ALPL: variants seen among roughly 807,000 people sequenced by gnomAD.
ALPL encodes the protein alkaline phosphatase, biomineralization associated.
ALPL carries 42 observed loss-of-function variants against 51.3 expected under a neutral mutation model. That is an observed-to-expected ratio of 0.82 (90% CI 0.64 to 1.06). ALPL has a LOEUF of 1.06. ALPL is among the 50% of genes least tolerant of loss of function. The probability of loss-of-function intolerance (pLI) is 0.00; values close to 1 mark genes in which losing one functional copy is unlikely to be tolerated. For missense variants in ALPL, 589 were observed against 709.4 expected, an observed-to-expected ratio of 0.83 and a Z score of 1.93; for synonymous variants, 279 against 296.4, an observed-to-expected ratio of 0.94 and a Z score of 0.60.
intron 9 of ALPL, among the ~76,000 whole-genome samples, chr1:21,575,218 T>A (rs1214557210): frequency 6.6e-6 from 1 of 152,186 alleles, no homozygotes; most frequent in African/African-American, 2.4e-5. Context: ...CACACCTGAA[T>A]TCACATCCTG....
chr1:21,541,283 G>A (rs1369081866), intron 1 of ALPL, among the ~76,000 whole-genome samples: 4 of 152,160 alleles, frequency 2.6e-5, no homozygotes, highest in Non-Finnish European at 5.9e-5. Flanking sequence ...CCCAGCCTCC[G>A]TTTTACACCC....
Position 21,575,812 on chromosome 1 carries a change from C to G in ALPL, c.1077C>G (p.Ile359Met), listed in dbSNP as rs567349821. ...LHEAVEMDRA[I>M]GQAGSLTSSE... ...AGGCGGTGGAGATGGACCGGGCCAT[C>G]GGGCAGGCAGGCAGCTTGACCTCCT... The change falls in exon 10 of 12, where the codon ATC (isoleucine) becomes ATG (methionine). Residue 359 changes from isoleucine (I) to methionine (M), a missense_variant. Physicochemically the swap from Ile to Met is conservative, Grantham distance 10. Coordinates refer to ENST00000374840, the MANE Select transcript of ALPL (RefSeq NM_000478.6). 16 of 1,614,068 alleles carry G rather than the reference C, an allele frequency of 9.9e-6. No homozygotes were observed. The Admixed American group carries it at 1.2e-4, about 12-fold the overall frequency.
rs550276132 is a variant in ALPL at position 21,560,588 on chromosome 1, C to A, written c.62-38C>A. 2.5e-6 allele frequency: 4 copies of A among 1,612,696 alleles called. No homozygotes were observed. The African/African-American group carries it at 4.0e-5, about 16-fold the overall frequency. On this transcript the variant is annotated intron_variant, in intron 2 of 11. Transcript: ENST00000374840. The stretch of plus-strand genomic sequence containing the variant: ...TGTACGTCTGGAGATAGGAGGCTAT[C>A]CTTACCCCGCCAAGTAACTGCCTCT...
rs367637559 is a variant in ALPL, at chr1:21,577,708, C to G, written c.*60C>G. The G allele has an allele frequency of 2.6e-6, 4 of 1,554,344 alleles. No individual in the cohort carries two copies. The highest frequency in any genetic ancestry group is 2.7e-5 in the African/African-American group (2 of 73,132). Reference sequence around the variant, plus strand: ...AGATGCCAACTTCCCACACGGCAGCCCCCCCCTCAAGGGGCAGGGAGGTGG... The same window carrying G: ...AGATGCCAACTTCCCACACGGCAGCGCCCCCCTCAAGGGGCAGGGAGGTGG... On this transcript the variant is annotated 3_prime_UTR_variant, in exon 12 of 12. Transcript: ENST00000374840.
At position 21,575,887 on chromosome 1, in the gene ALPL, A is replaced by T. The variant is rs1420358743; in HGVS notation, c.1152A>T (p.Thr384=). The change falls in exon 10 of 12, where the codon ACA becomes ACT. Residue 384 remains threonine (T), a synonymous_variant. Coordinates refer to ENST00000374840, the MANE Select transcript of ALPL (RefSeq NM_000478.6). ...VVTADHSHVF[T]FGGYTPRGNS... ...CTGCGGACCATTCCCACGTCTTCAC[A>T]TTTGGTGGATACACCCCCCGTGGCA... The T allele has an allele frequency of 1.9e-6, 3 of 1,614,140 alleles. No individual in the cohort carries two copies. The highest frequency in any genetic ancestry group is 2.5e-6 in the Non-Finnish European group (3 of 1,180,022).
At chr1:21,530,937 C>T (rs990323287) in intron 1 of ALPL, among the ~76,000 whole-genome samples, 2 of 148,300 alleles carry the variant, frequency 1.3e-5, no homozygotes, top group African/African-American at 5.0e-5. Context: ...TGCACCACCA[C>T]ATCCAGATCA....
intron 1 of ALPL, among the ~76,000 whole-genome samples, chr1:21,510,354 C>T (rs1316959068): frequency 6.6e-6 from 1 of 152,116 alleles, no homozygotes; most frequent in Admixed American, 6.5e-5. Context: ...ACAAAGGCCT[C>T]TGGGTGGAGG....
chr1:21,547,015 T>C (rs1396592298), intron 1 of ALPL, among the ~76,000 whole-genome samples: 2 of 152,230 alleles, frequency 1.3e-5, no homozygotes, highest in Non-Finnish European at 2.9e-5. Flanking sequence ...CCTGGCACAA[T>C]GTCTAGCATA....
Position 21,564,985 on chromosome 1 carries a change from T to C in ALPL, c.648+769T>C, listed in dbSNP as rs1644543045. On this transcript the variant is annotated intron_variant, in intron 6 of 11. Transcript: ENST00000374840. This position sits in a 1 kb window ranked among gnomAD's most constrained non-coding sequence, Gnocchi z 5.8. ...CTGTTCTTAAGTGAGAATGCCCGGC[T>C]CGTTCCTTTTCAGGCTTTTATTGCC... Among the ~76,000 whole-genome samples the C allele has an allele frequency of 6.6e-6, 1 of 152,196 alleles. No individual in the cohort carries two copies. The highest frequency in any genetic ancestry group is 1.5e-5 in the Non-Finnish European group (1 of 68,028).
chr1:21,577,957 C>T lies in ALPL; in HGVS notation c.*309C>T, dbSNP rs1260405114. The T allele has an allele frequency of 1.4e-5, 7 of 506,136 alleles. No individual in the cohort carries two copies. In the Admixed American group the frequency reaches 1.4e-4, roughly 10 times the overall value. 31.4% of individuals were successfully genotyped at this position (506,136 alleles called of 1,614,324 possible). On this transcript the variant is annotated 3_prime_UTR_variant, in exon 12 of 12. Transcript: ENST00000374840. ...CAAAGCCTCTTATTTTTCTAGCGAA[C>T]GTATTTCTCCAGACCCAGAGGCCCT...
chr1:21,538,877 G>A (rs2148108138), intron 1 of ALPL, among the ~76,000 whole-genome samples: 1 of 152,340 alleles, frequency 6.6e-6, no homozygotes, highest in South Asian at 2.1e-4. Flanking sequence ...GACCCTAGAT[G>A]TGACATTCTC....
chr1:21,519,847 G>A (rs1253882671), intron 1 of ALPL, among the ~76,000 whole-genome samples: 3 of 152,052 alleles, frequency 2.0e-5, no homozygotes, highest in African/African-American at 7.2e-5. Context: ...GGTGGGCCCC[G>A]GACCACACAG....
rs746014071 is a variant in ALPL, at chr1:21,568,108, T to A, written c.653T>A (p.Ile218Asn). The stretch of plus-strand genomic sequence containing the variant: ...GATGGCTCCTGTCTCTTTTAGGTGA[T>A]CATGGGGGGTGGCCGGAAATACATG... ...LMHNIRDIDV[I>N]MGGGRKYMYP... Residue 218 changes from isoleucine (I) to asparagine (N), a missense_variant, in exon 7 of 12, where the codon ATC (isoleucine) becomes AAC (asparagine). Coordinates refer to ENST00000374840, the MANE Select transcript of ALPL (RefSeq NM_000478.6). 6.2e-7 allele frequency: 1 copy of A among 1,614,054 alleles called. No individual in the cohort carries two copies. The highest frequency in any genetic ancestry group is 2.2e-5 in the East Asian group (1 of 44,856).
At position 21,577,421 on chromosome 1, in the gene ALPL, C is replaced by T. The variant is rs138690664; in HGVS notation, c.1348C>T (p.Arg450Cys). 12 of 1,613,074 alleles carry T rather than the reference C, an allele frequency of 7.4e-6. No individual in the cohort carries two copies. In the African/African-American group the frequency reaches 9.3e-5, roughly 13 times the overall value. The change falls in exon 12 of 12, where the codon CGC (arginine) becomes TGC (cysteine). Residue 450 changes from arginine to cysteine, a missense_variant. Coordinates refer to ENST00000374840, the MANE Select transcript of ALPL (RefSeq NM_000478.6). ...NYQAQSAVPL[R>C]HETHGGEDVA... ...CCAGGCGCAGTCTGCTGTGCCCCTG[C>T]GCCACGAGACCCACGGCGGGGAGGA...
At position 21,531,319 on chromosome 1, in the gene ALPL, C is replaced by T. The variant is rs183130071; in HGVS notation, c.-105+21802C>T. 1.8e-4 allele frequency among the ~76,000 whole-genome samples: 27 copies of T among 152,262 alleles called. No individual in the cohort carries two copies. In the East Asian group the frequency reaches 5.0e-3, roughly 28 times the overall value. On this transcript the variant is annotated intron_variant, in intron 1 of 11. Coordinates refer to ENST00000374840, the MANE Select transcript of ALPL (RefSeq NM_000478.6). Reference sequence around the variant, plus strand: ...TTTGTTGCCCAGGCTGTCTCAAGGTCCTGGGCTCAAGCGAGCCTCCTGCCT... The same window carrying T: ...TTTGTTGCCCAGGCTGTCTCAAGGTTCTGGGCTCAAGCGAGCCTCCTGCCT...
At chr1:21,566,615 G>A (rs1570281674) in intron 6 of ALPL, among the ~76,000 whole-genome samples, 2 of 150,274 alleles carry the variant, frequency 1.3e-5, no homozygotes, top group East Asian at 2.0e-4. Flanking sequence ...TTTGAGACAG[G>A]GTCTCACTCT....
At chr1:21,527,052 G>T (rs1336150228) in intron 1 of ALPL, among the ~76,000 whole-genome samples, 1 of 95,436 alleles carries the variant, frequency 1.0e-5, no homozygotes, top group Admixed American at 1.0e-4. Flanking sequence ...TCTTTCTTGA[G>T]ATGGAGTTTC....
chr1:21,561,692 A>G (rs957374344), intron 4 of ALPL, among the ~76,000 whole-genome samples: 1 of 122,436 alleles, frequency 8.2e-6, no homozygotes, highest in African/African-American at 3.3e-5. Flanking sequence ...TTTTTGAGAC[A>G]GTCTTACTCT....
intron 1 of ALPL, among the ~76,000 whole-genome samples, chr1:21,510,902 C>A (rs2148047811): frequency 6.6e-6 from 1 of 152,292 alleles, no homozygotes; most frequent in East Asian, 1.9e-4. Context: ...TGTGAATTCC[C>A]TCAGAAGAGG....
Sources: gnomAD v4.1 joint callset for allele counts (sites outside exome capture counted in the v4.1 genomes callset) on GRCh38, gnomAD v4.1.1 for gene constraint, Gnocchi (gnomAD v3.1) non-coding constraint, MANE v1.5 for transcripts, NCBI Gene and HGNC (gene_info 2026-07-23, HGNC 2026-07-21) for gene names.